EXT1: variants seen among roughly 807,000 people sequenced by gnomAD.
The protein encoded by EXT1 is exostosin-1.
A neutral mutation model predicts 82.5 loss-of-function variants in EXT1; 20 were observed. The observed-to-expected ratio is 0.24, with a 90% CI of 0.17 to 0.35. The LOEUF (loss-of-function observed/expected upper bound fraction) is 0.35. Among genes scored for constraint, EXT1 ranks in the 10% least tolerant of loss-of-function variants. The pLI is 1.00. For missense variants in EXT1, 757 were observed against 936.5 expected, an observed-to-expected ratio of 0.81 and a Z score of 2.50; for synonymous variants, 348 against 350.8, an observed-to-expected ratio of 0.99 and a Z score of 0.09.
rs71739430 is a variant in EXT1 at position 117,799,567 on chromosome 8, CT to C, written c.*144del. On this transcript the variant is annotated 3_prime_UTR_variant, in exon 11 of 11. Transcript: ENST00000378204. ...AGCCAGGAGTTGAGTTCTCATTGGC[CT>C]TTTTTTTTTTGTCATTCTGCTCATC... is the stretch of plus-strand genomic sequence containing the variant. 0.31 allele frequency: 213,100 copies of C among 692,404 alleles called. 13,005 individuals are homozygous for C. The highest frequency in any genetic ancestry group is 0.37 in the South Asian group (15,984 of 42,698). 42.9% of individuals were successfully genotyped at this position (692,404 alleles called of 1,614,324 possible).
chr8:117,927,807 G>A (rs1472160561), intron 1 of EXT1, among the ~76,000 whole-genome samples: 1 of 152,204 alleles, frequency 6.6e-6, no homozygotes, highest in African/African-American at 2.4e-5. Flanking sequence ...ATGCTCTGCT[G>A]TGTCTTGAAA....
At chr8:117,817,230 G>A (rs2129733430) in intron 7 of EXT1, among the ~76,000 whole-genome samples, 1 of 152,250 alleles carries the variant, frequency 6.6e-6, no homozygotes, top group South Asian at 2.1e-4. Flanking sequence ...CTCATAAATG[G>A]AACTGAATAG....
chr8:117,923,104 C>T (rs1813887663), intron 1 of EXT1, among the ~76,000 whole-genome samples: 1 of 151,926 alleles, frequency 6.6e-6, no homozygotes, highest in Non-Finnish European at 1.5e-5. Flanking sequence ...GTGGGTGGAT[C>T]ACTTGAGGTC....
chr8:117,880,856 G>A (rs560788016), intron 1 of EXT1, among the ~76,000 whole-genome samples: 1 of 152,172 alleles, frequency 6.6e-6, no homozygotes, highest in East Asian at 1.9e-4. Flanking sequence ...CTCCCAAAGT[G>A]CTGGGATTAC....
intron 1 of EXT1, among the ~76,000 whole-genome samples, chr8:117,910,947 C>T (rs1287957978): frequency 1.3e-5 from 2 of 152,172 alleles, no homozygotes; most frequent in Non-Finnish European, 2.9e-5. Context: ...TGTTAGATGT[C>T]AGGCTGCAGA....
chr8:117,810,961 C>G (rs1454914133), intron 8 of EXT1, among the ~76,000 whole-genome samples: 1 of 152,158 alleles, frequency 6.6e-6, no homozygotes, highest in Non-Finnish European at 1.5e-5. Context: ...GTAGAGCAGC[C>G]TCTCCATCCT....
In EXT1 at chr8:117,912,998, T is replaced by C. The variant is rs181152721; in HGVS notation, c.963-75797A>G. Among the ~76,000 whole-genome samples the C allele has an allele frequency of 4.0e-4, 61 of 152,128 alleles. 1 individual carries two copies. In the East Asian group the frequency reaches 0.011, roughly 27 times the overall value. ...CAGCACTTTGGGAGGCTGAGACAGG[T>C]GGATCACTGAAGGTCAGGAGTTCGA... On this transcript the variant is annotated intron_variant, in intron 1 of 10. Transcript: ENST00000378204.
intron 1 of EXT1, among the ~76,000 whole-genome samples, chr8:118,003,989 A>T (rs1175677634): frequency 6.6e-6 from 1 of 152,210 alleles, no homozygotes; most frequent in East Asian, 1.9e-4. Context: ...AACTTATTCA[A>T]TAACTAGAGC....
chr8:117,997,625 A>G (rs1406395111), intron 1 of EXT1, among the ~76,000 whole-genome samples: 5 of 152,194 alleles, frequency 3.3e-5, no homozygotes, highest in African/African-American at 4.8e-5. Context: ...GCTTTGAGAA[A>G]GAGATCAAGA....
intron 1 of EXT1, among the ~76,000 whole-genome samples, chr8:117,946,004 G>A (rs887434032): frequency 1.3e-5 from 2 of 152,190 alleles, no homozygotes; most frequent in African/African-American, 4.8e-5. Flanking sequence ...CTGGATTCAA[G>A]TGATTCTCCT....
chr8:117,925,891 T>A lies in EXT1; in HGVS notation c.963-88690A>T, dbSNP rs115600823. On this transcript the variant is annotated intron_variant, in intron 1 of 10. Coordinates refer to ENST00000378204, the MANE Select transcript of EXT1 (RefSeq NM_000127.3). Reference sequence around the variant, plus strand: ...CCAGTCTGGGCAACAGAGAGAGACCTTGTCTCAAAAACAAATGAACAAACA... The same window carrying A: ...CCAGTCTGGGCAACAGAGAGAGACCATGTCTCAAAAACAAATGAACAAACA... 2.1e-3 allele frequency among the ~76,000 whole-genome samples: 323 copies of A among 152,166 alleles called. 1 individual carries two copies. Among genetic ancestry groups the A allele is most frequent in the African/African-American group, 7.4e-3 (308 of 41,540 alleles).
At chr8:117,912,173 C>G in intron 1 of EXT1, among the ~76,000 whole-genome samples, 1 of 152,088 alleles carries the variant, frequency 6.6e-6, no homozygotes, top group South Asian at 2.1e-4. Context: ...GAGAGAGAGA[C>G]CCAAATTAAC....
chr8:118,071,708 G>A (rs978422736), intron 1 of EXT1, among the ~76,000 whole-genome samples: 1 of 152,074 alleles, frequency 6.6e-6, no homozygotes, highest in Non-Finnish European at 1.5e-5. Context: ...CACAAGAAAC[G>A]AATGCTGCAC....
At chr8:117,876,161 A>G in intron 1 of EXT1, among the ~76,000 whole-genome samples, 1 of 152,230 alleles carries the variant, frequency 6.6e-6, no homozygotes, top group East Asian at 1.9e-4. Flanking sequence ...GGTGATAAAT[A>G]CTCTATGTGG....
intron 1 of EXT1, among the ~76,000 whole-genome samples, chr8:118,053,789 T>C (rs1023229994): frequency 6.6e-6 from 1 of 152,200 alleles, no homozygotes; most frequent in South Asian, 2.1e-4. Context: ...TTGCTGTCAA[T>C]GCTCTGAACC....
chr8:118,050,309 T>C (rs1193229772), intron 1 of EXT1, among the ~76,000 whole-genome samples: 2 of 152,222 alleles, frequency 1.3e-5, no homozygotes, highest in African/African-American at 4.8e-5. Context: ...CAGCATGCTA[T>C]ACATGTATAG....
chr8:118,021,700 T>C (rs1353306134), intron 1 of EXT1, among the ~76,000 whole-genome samples: 1 of 152,192 alleles, frequency 6.6e-6, no homozygotes, highest in African/African-American at 2.4e-5. Flanking sequence ...TGTTTGAAAC[T>C]TACCCTTGAG....
At chr8:117,946,145 C>T (rs999512426) in intron 1 of EXT1, among the ~76,000 whole-genome samples, 20 of 152,136 alleles carry the variant, frequency 1.3e-4, no homozygotes, top group African/African-American at 3.4e-4. Flanking sequence ...GTAATCTGCC[C>T]GCCTCGGCAT....
chr8:117,942,290 C>T (rs1262979178), intron 1 of EXT1, among the ~76,000 whole-genome samples: 1 of 152,190 alleles, frequency 6.6e-6, no homozygotes, highest in African/African-American at 2.4e-5. Flanking sequence ...TTGAGGCATA[C>T]ATTTATCATC....
Sources: allele counts gnomAD v4.1 joint callset (sites outside exome capture counted in the v4.1 genomes callset), GRCh38; gene constraint gnomAD v4.1.1; transcripts MANE v1.5; gene names NCBI Gene and HGNC (gene_info 2026-07-23, HGNC 2026-07-21).